The following SYN3 variants were observed in gnomAD, a reference collection of about 807,000 sequenced individuals.
SYN3 encodes the protein synapsin-3.
Under a neutral mutation model 65.8 loss-of-function variants are expected in SYN3, and 35 were observed. The observed-to-expected ratio is 0.53, with a 90% CI of 0.41 to 0.70. The LOEUF (loss-of-function observed/expected upper bound fraction) is 0.70, where lower values mean the gene tolerates loss of function less well. Ranked by LOEUF, SYN3 falls within the 30% of genes least tolerant of loss-of-function variation. The probability of loss-of-function intolerance (pLI) is 0.00; values close to 1 mark genes in which losing one functional copy is unlikely to be tolerated. For synonymous variants in SYN3, 270 were observed against 292.9 expected, an observed-to-expected ratio of 0.92 and a Z score of 0.80; for missense variants, 680 against 749.0, an observed-to-expected ratio of 0.91 and a Z score of 1.08.
intron 7 of SYN3, among the ~76,000 whole-genome samples, chr22:32,587,762 G>T (rs950163432): frequency 6.6e-6 from 1 of 152,138 alleles, no homozygotes; most frequent in Non-Finnish European, 1.5e-5. Flanking sequence ...TGGAAACATC[G>T]CCTGGAGGAG....
At chr22:32,737,323 T>A (rs1418286292) in intron 6 of SYN3, among the ~76,000 whole-genome samples, 1 of 150,030 alleles carries the variant, frequency 6.7e-6, no homozygotes, top group East Asian at 1.9e-4. Flanking sequence ...TTTTCTTTTT[T>A]TTTTAATTAT....
At chr22:32,811,306 A>G (rs2145988765) in intron 6 of SYN3, among the ~76,000 whole-genome samples, 1 of 152,348 alleles carries the variant, frequency 6.6e-6, no homozygotes, top group Non-Finnish European at 1.5e-5. Context: ...AAGTCTAAAA[A>G]GTTGTAGCCC....
Position 32,538,022 on chromosome 22 carries a change from CCTTT to C in SYN3, c.992+10_992+13del, listed in dbSNP as rs2058194176. On this transcript the variant is annotated intron_variant, in intron 9 of 13. Transcript: ENST00000358763. ...ATGGCCAGTGCCTCTCCCTACACCT[CCTTT>C]GTCTCTTACCTCTCTGTCATGGCCA... 1 of 1,613,402 alleles carries C rather than the reference CCTTT, an allele frequency of 6.2e-7. No homozygotes were observed.
rs186250696 is a variant in SYN3, at chr22:33,002,216, G to A, written c.311+4136C>T. Reference sequence around the variant, plus strand: ...CACCTAAGATGATTCACACTGGATCGGAAGACAGGTGATTCACATGACCAA... The same window carrying A: ...CACCTAAGATGATTCACACTGGATCAGAAGACAGGTGATTCACATGACCAA... On this transcript the variant is annotated intron_variant, in intron 2 of 13. Coordinates refer to ENST00000358763, the MANE Select transcript of SYN3 (RefSeq NM_003490.4). 4.9e-3 allele frequency among the ~76,000 whole-genome samples: 751 copies of A among 152,284 alleles called. 6 individuals are homozygous for A. Among genetic ancestry groups the A allele is most frequent in the Non-Finnish European group, 5.1e-3 (348 of 68,020 alleles).
intron 3 of SYN3, among the ~76,000 whole-genome samples, chr22:32,943,201 G>A (rs1335121746): frequency 2.0e-5 from 3 of 152,154 alleles, no homozygotes; most frequent in Non-Finnish European, 2.9e-5. Context: ...AGAGAGAAAG[G>A]TCGGGTTACC....
In SYN3 at chr22:32,509,048, G is replaced by C. The variant is rs2057662943; in HGVS notation, c.*4644C>G. On this transcript the variant is annotated 3_prime_UTR_variant, in exon 14 of 14. Transcript: ENST00000358763. ...TCAGCAGGGACGGAATGTTAGGCTA[G>C]AGAATGTAGTAATGAAGAGAATCTA... 1.3e-5 allele frequency among the ~76,000 whole-genome samples: 2 copies of C among 152,232 alleles called. No individual in the cohort carries two copies. Among genetic ancestry groups the C allele is most frequent in the South Asian group, 2.1e-4 (1 of 4,830 alleles).
intron 6 of SYN3, among the ~76,000 whole-genome samples, chr22:32,613,333 T>A (rs2059472634): frequency 6.6e-6 from 1 of 152,076 alleles, no homozygotes; most frequent in Non-Finnish European, 1.5e-5. Flanking sequence ...TGGTACAGGG[T>A]ACCAGCAGCA....
intron 4 of SYN3, among the ~76,000 whole-genome samples, chr22:32,928,372 C>A (rs1438204086): frequency 6.6e-6 from 1 of 152,158 alleles, no homozygotes; most frequent in African/African-American, 2.4e-5. Flanking sequence ...TACCCCTAAC[C>A]TACCAAACAT....
rs987131203 is a variant in SYN3, at chr22:32,658,288, T to G, written c.712-61552A>C. Among the ~76,000 whole-genome samples the G allele has an allele frequency of 1.5e-4, 23 of 152,358 alleles. No individual in the cohort carries two copies. In the South Asian group the frequency reaches 4.6e-3, roughly 30 times the overall value. ...AGGTGGGAGATCCCTGGGTAGGCTG[T>G]GCTGGCAGCACCCTGTGCTCATAGC... On this transcript the variant is annotated intron_variant, in intron 6 of 13. Transcript: ENST00000358763.
At chr22:32,526,892 G>A (rs2057987258) in intron 12 of SYN3, among the ~76,000 whole-genome samples, 1 of 152,160 alleles carries the variant, frequency 6.6e-6, no homozygotes. Flanking sequence ...GTGCACAGGT[G>A]CTCTGAAGCT....
At chr22:33,042,217 G>C (rs1033104870) in intron 1 of SYN3, among the ~76,000 whole-genome samples, 1 of 152,108 alleles carries the variant, frequency 6.6e-6, no homozygotes, top group Non-Finnish European at 1.5e-5. Context: ...ACTGTCTCTT[G>C]TTTAAGCTAC....
intron 4 of SYN3, among the ~76,000 whole-genome samples, chr22:32,871,726 G>T (rs1207653645): frequency 6.6e-6 from 1 of 152,018 alleles, no homozygotes; most frequent in Non-Finnish European, 1.5e-5. Context: ...TCCCACATCA[G>T]CCTCCCAAGT....
At chr22:32,534,430 C>T (rs1018205234) in intron 9 of SYN3, among the ~76,000 whole-genome samples, 3 of 152,048 alleles carry the variant, frequency 2.0e-5, no homozygotes, top group African/African-American at 7.2e-5. Context: ...TTTCCCAGGG[C>T]CCGGGGCGGG....
At chr22:32,797,064 G>A (rs9606994) in intron 6 of SYN3, among the ~76,000 whole-genome samples, 61,190 of 151,840 alleles carry the variant, frequency 0.4, 12,809 homozygotes, top group East Asian at 0.55. Flanking sequence ...AAAGGCACCC[G>A]CACCCCACCG....
At chr22:32,942,017 G>C (rs1038847149) in intron 3 of SYN3, among the ~76,000 whole-genome samples, 6 of 152,220 alleles carry the variant, frequency 3.9e-5, no homozygotes, top group African/African-American at 1.4e-4. Context: ...TCCACCTCTG[G>C]GGGCAGGGCA....
At chr22:32,651,471 G>A (rs1364398731) in intron 6 of SYN3, among the ~76,000 whole-genome samples, 1 of 152,136 alleles carries the variant, frequency 6.6e-6, no homozygotes, top group East Asian at 1.9e-4. Flanking sequence ...TCCATGATAT[G>A]CATGTTTCTG....
At chr22:32,780,951 T>TTCCTTCCTTCCTTCCG (rs1251385335) in intron 6 of SYN3, among the ~76,000 whole-genome samples, 50 of 76,170 alleles carry the variant, frequency 6.6e-4, no homozygotes, top group African/African-American at 1.8e-3. Context: ...CCTTCCTTCC[T>TTCCTTCCTTCCTTCCG]TCCTTCCTTC....
At chr22:32,676,710 G>GTT (rs130749) in intron 6 of SYN3, among the ~76,000 whole-genome samples, 2,529 of 133,778 alleles carry the variant, frequency 0.019, 33 homozygotes, top group Non-Finnish European at 0.026. Flanking sequence ...TTAATTTTTT[G>GTT]TTTTTTTTTT....
At chr22:32,644,598 T>C (rs939176006) in intron 6 of SYN3, among the ~76,000 whole-genome samples, 1 of 152,178 alleles carries the variant, frequency 6.6e-6, no homozygotes, top group Non-Finnish European at 1.5e-5. Flanking sequence ...TGCAGGCACA[T>C]GCACAGGAAA....
Sources: allele counts gnomAD v4.1 joint callset (sites outside exome capture counted in the v4.1 genomes callset), GRCh38; gene constraint gnomAD v4.1.1; transcripts MANE v1.5; gene names NCBI Gene and HGNC (gene_info 2026-07-23, HGNC 2026-07-21).